The following LHPP variants were observed in gnomAD, a reference collection of about 807,000 sequenced individuals.
LHPP encodes the protein phospholysine phosphohistidine inorganic pyrophosphate phosphatase.
Under a neutral mutation model 30.3 loss-of-function variants are expected in LHPP, and 24 were observed. That is an observed-to-expected ratio of 0.79 (90% CI 0.57 to 1.11). The LOEUF is 1.11. Ranked by LOEUF, LHPP falls within the 50% of genes most tolerant of loss-of-function variation. The probability of loss-of-function intolerance (pLI) is 0.00; values close to 1 mark genes in which losing one functional copy is unlikely to be tolerated. For missense variants in LHPP, 356 were observed against 367.2 expected, an observed-to-expected ratio of 0.97 and a Z score of 0.25; for synonymous variants, 150 against 157.1, an observed-to-expected ratio of 0.95 and a Z score of 0.34.
chr10:124,606,352 C>T (rs945174561), intron 6 of LHPP, among the ~76,000 whole-genome samples: 23 of 152,340 alleles, frequency 1.5e-4, no homozygotes, highest in African/African-American at 5.5e-4. Flanking sequence ...AGCGTCCCTG[C>T]CCCGCTCAGT....
chr10:124,553,754 C>T (rs915623389), intron 6 of LHPP, among the ~76,000 whole-genome samples: 9 of 152,202 alleles, frequency 5.9e-5, no homozygotes, highest in African/African-American at 2.2e-4. Context: ...CCACCACGCC[C>T]GGCCTACAGC....
intron 1 of LHPP, among the ~76,000 whole-genome samples, chr10:124,466,724 T>C (rs1485784613): frequency 6.6e-6 from 1 of 152,094 alleles, no homozygotes; most frequent in Non-Finnish European, 1.5e-5. Flanking sequence ...CCCAAAGTGC[T>C]GGGATTACAG....
chr10:124,612,216 C>T (rs1019486085), intron 6 of LHPP, among the ~76,000 whole-genome samples: 6 of 151,628 alleles, frequency 4.0e-5, no homozygotes, highest in East Asian at 1.9e-4. Context: ...CCGGCCTGGC[C>T]AACATGGCGA....
intron 5 of LHPP, among the ~76,000 whole-genome samples, chr10:124,499,398 C>A (rs1360352356): frequency 3.3e-5 from 5 of 151,498 alleles, no homozygotes; most frequent in Admixed American, 6.6e-5. Flanking sequence ...AGTCCCAACA[C>A]TTTGGGAGGC....
At chr10:124,549,341 G>T (rs1398107648) in intron 6 of LHPP, among the ~76,000 whole-genome samples, 6 of 152,016 alleles carry the variant, frequency 3.9e-5, no homozygotes, top group African/African-American at 1.4e-4. Flanking sequence ...GCTGAGGCAG[G>T]AGGATCACTT....
chr10:124,608,442 A>G (rs1308259571), intron 6 of LHPP, among the ~76,000 whole-genome samples: 2 of 152,200 alleles, frequency 1.3e-5, no homozygotes, highest in Admixed American at 6.5e-5. Context: ...TGTCCTTGCC[A>G]CGAATATTGG....
At chr10:124,501,581 G>A (rs1953900180) in intron 5 of LHPP, among the ~76,000 whole-genome samples, 1 of 143,352 alleles carries the variant, frequency 7.0e-6, no homozygotes, top group Admixed American at 6.9e-5. Flanking sequence ...CAGCCTGGGC[G>A]ACAGAGCCAG....
At chr10:124,563,307 C>CTCTTAT (rs574095982) in intron 6 of LHPP, among the ~76,000 whole-genome samples, 2 of 26,098 alleles carry the variant, frequency 7.7e-5, no homozygotes, top group African/African-American at 1.5e-4. Flanking sequence ...CTCTCTCTCT[C>CTCTTAT]TTTTTCTTTT....
intron 1 of LHPP, among the ~76,000 whole-genome samples, chr10:124,468,709 C>T (rs570152043): frequency 1.3e-5 from 2 of 152,332 alleles, no homozygotes; most frequent in Admixed American, 6.5e-5. Context: ...GCGTGCCCTT[C>T]GGCTCTCGGC....
At chr10:124,512,054 G>T (rs1212755671) in intron 5 of LHPP, among the ~76,000 whole-genome samples, 1 of 152,144 alleles carries the variant, frequency 6.6e-6, no homozygotes, top group African/African-American at 2.4e-5. Context: ...CCTCCTGTGT[G>T]TTATCCCAGG....
intron 1 of LHPP, among the ~76,000 whole-genome samples, chr10:124,466,949 C>T (rs576378476): frequency 7.5e-5 from 3 of 40,130 alleles, no homozygotes; most frequent in Admixed American, 2.1e-4. Flanking sequence ...ACAGCGAGAC[C>T]CCCATCTCTA....
intron 4 of LHPP, 143 bp from the exon 5 acceptor site, chr10:124,497,893 G>T: frequency 3.0e-6 from 2 of 675,712 alleles, no homozygotes; most frequent in East Asian, 5.4e-5. Context: ...TCCTGCCTGT[G>T]AGATGAGTTC....
chr10:124,543,646 G>A (rs972966685), intron 6 of LHPP, among the ~76,000 whole-genome samples: 1 of 152,224 alleles, frequency 6.6e-6, no homozygotes, highest in Non-Finnish European at 1.5e-5. Context: ...GTGTGGAGGG[G>A]TCCGTGGGGC....
intron 5 of LHPP, among the ~76,000 whole-genome samples, chr10:124,511,135 G>T (rs1244755693): frequency 6.6e-6 from 1 of 152,122 alleles, no homozygotes; most frequent in Non-Finnish European, 1.5e-5. Context: ...CCATATCTGG[G>T]TATTTTTACC....
intron 6 of LHPP, among the ~76,000 whole-genome samples, chr10:124,574,756 G>A (rs552275134): frequency 1.5e-3 from 236 of 152,268 alleles, no homozygotes; most frequent in African/African-American, 5.5e-3. Flanking sequence ...GGGCATGGTC[G>A]GAGGTCCAGA....
intron 6 of LHPP, among the ~76,000 whole-genome samples, chr10:124,595,268 C>T (rs1470615781): frequency 4.6e-5 from 7 of 152,150 alleles, no homozygotes; most frequent in Admixed American, 3.3e-4. Flanking sequence ...GTTGGGGACG[C>T]GAGGAGGGCA....
At chr10:124,503,220 C>G (rs1379815845) in intron 5 of LHPP, among the ~76,000 whole-genome samples, 1 of 151,352 alleles carries the variant, frequency 6.6e-6, no homozygotes, top group African/African-American at 2.5e-5. Context: ...GCATGTGCCA[C>G]CACGCCCATC....
intron 1 of LHPP, among the ~76,000 whole-genome samples, chr10:124,473,318 C>T (rs990252268): frequency 1.3e-5 from 2 of 152,148 alleles, no homozygotes; most frequent in Non-Finnish European, 2.9e-5. Context: ...GCAACAGGCA[C>T]GTTGCTGTCC....
chr10:124,600,095 C>T (rs1403084711), intron 6 of LHPP, among the ~76,000 whole-genome samples: 2 of 152,086 alleles, frequency 1.3e-5, no homozygotes, highest in Non-Finnish European at 2.9e-5. Context: ...TGCTCGGGAG[C>T]GGGGAGAGGG....
Sources: allele counts gnomAD v4.1 joint callset (sites outside exome capture counted in the v4.1 genomes callset), GRCh38; gene constraint gnomAD v4.1.1; transcripts MANE v1.5; gene names NCBI Gene and HGNC (gene_info 2026-07-23, HGNC 2026-07-21).